PSG5: variants seen among roughly 807,000 people sequenced by gnomAD.
PSG5 encodes the protein pregnancy-specific beta-1-glycoprotein 5.
A neutral mutation model predicts 37.7 loss-of-function variants in PSG5; 53 were observed. That is an observed-to-expected ratio of 1.41 (90% CI 1.13 to 1.77). The LOEUF (loss-of-function observed/expected upper bound fraction) is 1.77. Among genes scored for constraint, PSG5 ranks in the 40% most tolerant of loss-of-function variants. PSG5 has a pLI of 0.00. For missense variants in PSG5, 547 were observed against 405.2 expected (o/e 1.35, Z -3.00); for synonymous variants, 221 against 155.4 (o/e 1.42, Z -3.14).
chr19:43,180,539 A>G (rs1226222117), intron 2 of PSG5: 1 of 151,534 alleles, frequency 6.6e-6, no homozygotes, highest in Non-Finnish European at 1.5e-5. Flanking sequence ...AATTCGTAAT[A>G]CTGTAATTTT....
chr19:43,173,310 G>C (rs957090043), intron 4 of PSG5, among the ~76,000 whole-genome samples: 1 of 151,592 alleles, frequency 6.6e-6, no homozygotes, highest in Admixed American at 6.6e-5. Flanking sequence ...ATGATTTCTT[G>C]GTTGTAACAA....
chr19:43,179,033 C>G (rs374055876), intron 2 of PSG5: 4 of 1,612,748 alleles, frequency 2.5e-6, no homozygotes, highest in Non-Finnish European at 3.4e-6. Context: ...TAGGGAGGCT[C>G]TGACCATTCA....
chr19:43,172,188 T>A (rs1289416776), intron 4 of PSG5, among the ~76,000 whole-genome samples: 1 of 151,468 alleles, frequency 6.6e-6, no homozygotes, highest in African/African-American at 2.4e-5. Flanking sequence ...AAGCATTTGA[T>A]GAAATTCAAT....
rs1455286817 is a variant in PSG5 at position 43,184,904 on chromosome 19, G to T, written c.308C>A (p.Ser103Tyr). 1 of 1,612,410 alleles carries T rather than the reference G, an allele frequency of 6.2e-7. No homozygotes were observed. The highest frequency in any genetic ancestry group is 2.2e-5 in the East Asian group (1 of 44,880). ...ATTCTGGATCAGCAGGGATGCATTG[G>T]AATATACTGTTTCTCGTCCAGTGTA... ...PAYTGRETVY[S>Y]NASLLIQNVT... Residue 103 changes from serine to tyrosine, a missense_variant, in exon 2 of 6, where the codon TCC (serine) becomes TAC (tyrosine). Ser to Tyr is a moderately radical substitution (Grantham distance 144). Transcript: ENST00000342951.
intron 1 of PSG5, 117 bp downstream of exon 1, chr19:43,186,225 C>G: frequency 1.3e-6 from 2 of 1,536,952 alleles, no homozygotes; most frequent in South Asian, 2.3e-5. Context: ...ATCCACCCAC[C>G]TCATCCTCCC....
chr19:43,171,812 T>TA (rs1489682659), intron 4 of PSG5, among the ~76,000 whole-genome samples: 1 of 150,764 alleles, frequency 6.6e-6, no homozygotes, highest in Non-Finnish European at 1.5e-5. Context: ...TACAAAAATA[T>TA]AAAAAACCAA....
Position 43,185,142 on chromosome 19 carries a change from G to T in PSG5, c.70C>A (p.Leu24Ile), listed in dbSNP as rs1226116835. 6.2e-7 allele frequency: 1 copy of T among 1,601,194 alleles called. No homozygotes were observed. Among genetic ancestry groups the T allele is most frequent in the Non-Finnish European group, 8.5e-7 (1 of 1,173,056 alleles). Residue 24 changes from leucine (L) to isoleucine (I), a missense_variant, in exon 2 of 6, where the codon CTT becomes ATT. Physicochemically the swap from Leu to Ile is conservative, Grantham distance 5. Transcript: ENST00000342951. ...TWKGLLLTAS[L>I]LNFWNLPITA... is the part of the protein sequence containing the mutation. Reference sequence around the variant, plus strand: ...ATAGGCAGGTTCCAGAAGTTTAAAAGTGATGCTAGGAGGTGGAGAAAGCAC... The same window carrying T: ...ATAGGCAGGTTCCAGAAGTTTAAAATTGATGCTAGGAGGTGGAGAAAGCAC...
intron 4 of PSG5, chr19:43,171,230 G>C (rs1349451225): frequency 1.3e-5 from 2 of 150,466 alleles, no homozygotes; most frequent in Non-Finnish European, 2.9e-5. Flanking sequence ...CAAGGCTAAT[G>C]ATGATGGTAG....
chr19:43,182,152 A>C (rs2122235022), intron 2 of PSG5, among the ~76,000 whole-genome samples: 1 of 151,852 alleles, frequency 6.6e-6, no homozygotes, highest in East Asian at 1.9e-4. Context: ...CAAGAATCAC[A>C]AAACTTCCTC....
rs753382017 is a variant in PSG5, at chr19:43,185,147, G to A, written c.65C>T (p.Ala22Val). ...HITWKGLLLT[A>V]SLLNFWNLPI... ...CAGGTTCCAGAAGTTTAAAAGTGATGCTAGGAGGTGGAGAAAGCACCAGTC... is the reference window on the plus strand; with the variant it reads ...CAGGTTCCAGAAGTTTAAAAGTGATACTAGGAGGTGGAGAAAGCACCAGTC... Residue 22 changes from alanine (A) to valine (V), a missense_variant and splice_region_variant, in exon 2 of 6, where the codon GCA (alanine) becomes GTA (valine). By Grantham distance (64) the Ala-to-Val change is moderately conservative. Coordinates refer to ENST00000342951, the MANE Select transcript of PSG5 (RefSeq NM_002781.4). 16 of 1,597,136 alleles carry A rather than the reference G, an allele frequency of 1.0e-5. No individual in the cohort carries two copies. In the Admixed American group the frequency reaches 1.0e-4, roughly 10 times the overall value.
chr19:43,170,668 G>T, intron 4 of PSG5: 1 of 206,142 alleles, frequency 4.9e-6, no homozygotes, highest in South Asian at 9.2e-5. Flanking sequence ...AAGGGTGACT[G>T]GTTGGAGGAC....
At chr19:43,179,230 G>C (rs1369150362) in intron 2 of PSG5, 3 of 1,458,592 alleles carry the variant, frequency 2.1e-6, no homozygotes, top group Non-Finnish European at 2.8e-6. Flanking sequence ...TTCAATCAGA[G>C]TTGGCATTTC....
intron 4 of PSG5, among the ~76,000 whole-genome samples, chr19:43,173,642 A>C (rs1157800764): frequency 7.3e-5 from 11 of 151,662 alleles, no homozygotes; most frequent in Admixed American, 5.9e-4. Context: ...GCAAATCAAA[A>C]CCACAATGTT....
intron 1 of PSG5, 120 bp from the exon 2 acceptor site, chr19:43,185,267 AAC>A (rs374205959): frequency 2.4e-3 from 2,753 of 1,158,742 alleles, no homozygotes; most frequent in Non-Finnish European, 2.7e-3. Flanking sequence ...CACACACACA[AAC>A]ACACACACAC....
Position 43,178,435 on chromosome 19 carries a change from G to T in PSG5, c.431-2287C>A, listed in dbSNP as rs1969057045. Among the ~76,000 whole-genome samples, 6 of 151,770 alleles carry T rather than the reference G, an allele frequency of 4.0e-5. No individual in the cohort carries two copies. In the South Asian group the frequency reaches 1.2e-3, roughly 31 times the overall value. ...AGAGATTGGGGACTTCCCCTGTATG[G>T]TAATAGGTGTATGAGGAAGAAATGG... On this transcript the variant is annotated intron_variant, in intron 2 of 5. Transcript: ENST00000342951.
chr19:43,178,755 C>A (rs1365771951), intron 2 of PSG5: 9 of 1,599,926 alleles, frequency 5.6e-6, no homozygotes, highest in Admixed American at 1.7e-5. Context: ...AAAGTCATGG[C>A]CAGCTTTGAT....
At position 43,184,899 on chromosome 19, in the gene PSG5, C is replaced by T. The variant is rs770840796; in HGVS notation, c.313G>A (p.Ala105Thr). ...GTGACATTCTGGATCAGCAGGGATG[C>T]ATTGGAATATACTGTTTCTCGTCCA... ...YTGRETVYSN[A>T]SLLIQNVTRE... The change falls in exon 2 of 6, where the codon GCA becomes ACA. Residue 105 changes from alanine (A) to threonine (T), a missense_variant. Transcript: ENST00000342951. 1.0e-4 allele frequency: 167 copies of T among 1,612,584 alleles called. 6 individuals are homozygous for T. The highest frequency in any genetic ancestry group is 8.5e-4 in the Admixed American group (51 of 59,902).
At chr19:43,173,769 GAATGGGA>G in intron 4 of PSG5, among the ~76,000 whole-genome samples, 1 of 151,650 alleles carries the variant, frequency 6.6e-6, no homozygotes, top group Non-Finnish European at 1.5e-5. Flanking sequence ...TTGCTGATGG[GAATGGGA>G]AATGTTATAG....
At chr19:43,169,704 G>A (rs1489559932) in intron 5 of PSG5, among the ~76,000 whole-genome samples, 2 of 151,680 alleles carry the variant, frequency 1.3e-5, no homozygotes, top group African/African-American at 2.4e-5. Flanking sequence ...GCCACAAGAA[G>A]TCAAGCAATA....
Sources: allele counts gnomAD v4.1 joint callset (sites outside exome capture counted in the v4.1 genomes callset), GRCh38; gene constraint gnomAD v4.1.1; transcripts MANE v1.5; gene names NCBI Gene and HGNC (gene_info 2026-07-23, HGNC 2026-07-21).